SPSB1: variants seen among roughly 807,000 people sequenced by gnomAD.
The protein encoded by SPSB1 is SPRY domain-containing SOCS box protein 1.
A neutral mutation model predicts 21.2 loss-of-function variants in SPSB1; 8 were observed. That is an observed-to-expected ratio of 0.38 (90% CI 0.22 to 0.68). SPSB1 has a LOEUF of 0.68. SPSB1 is among the 30% of genes least tolerant of loss of function. The probability of loss-of-function intolerance (pLI) is 0.53; values close to 1 mark genes in which losing one functional copy is unlikely to be tolerated. For missense variants in SPSB1, 242 were observed against 377.8 expected (o/e 0.64, Z 2.98); for synonymous variants, 169 against 161.7 (o/e 1.05, Z -0.34).
chr1:9,358,224 C>T (rs1312037562), intron 2 of SPSB1, among the ~76,000 whole-genome samples: 1 of 152,204 alleles, frequency 6.6e-6, no homozygotes, highest in Non-Finnish European at 1.5e-5. Context: ...GGAAGCCTCC[C>T]CGCCCCTCTT....
intron 1 of SPSB1, among the ~76,000 whole-genome samples, chr1:9,307,042 C>T (rs963659580): frequency 3.3e-5 from 5 of 151,876 alleles, no homozygotes; most frequent in Admixed American, 6.6e-5. Context: ...ATTCTCCCTC[C>T]TTAGCCTCCT....
chr1:9,355,069 G>A (rs1204902833), intron 1 of SPSB1, among the ~76,000 whole-genome samples: 1 of 152,200 alleles, frequency 6.6e-6, no homozygotes, highest in Non-Finnish European at 1.5e-5. Context: ...GGGGTCGGGG[G>A]ATGAGCCCCC....
intron 2 of SPSB1, among the ~76,000 whole-genome samples, chr1:9,357,113 GTGGATGGA>G (rs1412659733): frequency 2.3e-5 from 2 of 88,582 alleles, no homozygotes; most frequent in Non-Finnish European, 4.9e-5. Context: ...GGATGGATGA[GTGGATGGA>G]TGGATGGATG....
At position 9,345,738 on chromosome 1, in the gene SPSB1, TGAGGTCAGGGACTA is replaced by T. The variant is rs138554740; in HGVS notation, c.-149-10001_-149-9988del. On this transcript the variant is annotated intron_variant, in intron 1 of 2. Transcript: ENST00000328089. The surrounding 1 kb of genome is among the most constrained non-coding windows in gnomAD (Gnocchi z 4.8). The stretch of plus-strand genomic sequence containing the variant: ...TACAGCAGGTGCATTTTGGGTCTTT[TGAGGTCAGGGACTA>T]GAGCTCTGGACCGTGTGGGATTTTC... 0.014 allele frequency among the ~76,000 whole-genome samples: 2,147 copies of T among 152,334 alleles called. 32 individuals are homozygous for T. Among genetic ancestry groups the T allele is most frequent in the Non-Finnish European group, 0.024 (1,639 of 68,018 alleles).
At position 9,345,803 on chromosome 1, in the gene SPSB1, T is replaced by C. The variant is rs1199376015; in HGVS notation, c.-149-9940T>C. ...TCTCCAAAATCACTTGTCAGAACTTTCCAGAAGGATCCTGTTCTTTTTTGT... is the reference window on the plus strand; with the variant it reads ...TCTCCAAAATCACTTGTCAGAACTTCCCAGAAGGATCCTGTTCTTTTTTGT... On this transcript the variant is annotated intron_variant, in intron 1 of 2. Transcript: ENST00000328089. The surrounding 1 kb of genome is among the most constrained non-coding windows in gnomAD (Gnocchi z 4.8). Among the ~76,000 whole-genome samples, 1 of 152,214 alleles carries C rather than the reference T, an allele frequency of 6.6e-6. No homozygotes were observed. Among genetic ancestry groups the C allele is most frequent in the African/African-American group, 2.4e-5 (1 of 41,454 alleles).
intron 1 of SPSB1, among the ~76,000 whole-genome samples, chr1:9,306,528 A>C (rs942228120): frequency 2.0e-5 from 3 of 152,212 alleles, no homozygotes; most frequent in Non-Finnish European, 4.4e-5. Flanking sequence ...TTCAGTCGTC[A>C]TAATGTCCGT....
At chr1:9,312,992 C>G (rs1219771577) in intron 1 of SPSB1, among the ~76,000 whole-genome samples, 1 of 152,228 alleles carries the variant, frequency 6.6e-6, no homozygotes, top group Admixed American at 6.5e-5. Context: ...TGAGTGCTTG[C>G]TCTGTGCCTG....
intron 1 of SPSB1, among the ~76,000 whole-genome samples, chr1:9,344,995 G>A (rs371970475): frequency 4.6e-5 from 7 of 152,296 alleles, no homozygotes; most frequent in Admixed American, 3.3e-4. Context: ...GGGTTTGGTC[G>A]GATCCCCTAT....
chr1:9,342,323 C>T (rs28435109), intron 1 of SPSB1, among the ~76,000 whole-genome samples: 13,729 of 152,128 alleles, frequency 0.09, 1,656 homozygotes, highest in African/African-American at 0.28. Flanking sequence ...AAGAGGTTTG[C>T]GTAGTGACAA....
intron 1 of SPSB1, among the ~76,000 whole-genome samples, chr1:9,331,920 G>A (rs757023185): frequency 6.6e-6 from 1 of 152,070 alleles, no homozygotes; most frequent in Admixed American, 6.5e-5. Flanking sequence ...TCTTTGCATT[G>A]TCTGTTCCAG....
chr1:9,312,448 A>G (rs1639536336), intron 1 of SPSB1, among the ~76,000 whole-genome samples: 1 of 152,186 alleles, frequency 6.6e-6, no homozygotes, highest in African/African-American at 2.4e-5. Flanking sequence ...CACGCCACGC[A>G]GTTCGCCTAT....
Position 9,293,092 on chromosome 1 carries a change from G to A in SPSB1, c.-150+21G>A, listed in dbSNP as rs1011394307. 6.5e-5 allele frequency: 64 copies of A among 977,838 alleles called. No homozygotes were observed. Among genetic ancestry groups the A allele is most frequent in the Non-Finnish European group, 7.8e-5 (64 of 824,660 alleles). The allele number at this position is 977,838 out of a possible 1,614,324, so 60.6% of individuals were successfully genotyped here. On this transcript the variant is annotated intron_variant, in intron 1 of 2. Coordinates refer to ENST00000328089, the MANE Select transcript of SPSB1 (RefSeq NM_025106.4). The surrounding 1 kb of genome is among the most constrained non-coding windows in gnomAD (Gnocchi z 5.1). ...GCGCGGTAGGCGGCGCGGGGCACCT[G>A]GGACCCCGATGGGTGGGCGACCGGC...
intron 1 of SPSB1, among the ~76,000 whole-genome samples, chr1:9,322,118 A>G (rs1056364800): frequency 2.0e-5 from 3 of 152,138 alleles, no homozygotes; most frequent in African/African-American, 7.2e-5. Flanking sequence ...AACGACCCAC[A>G]TTCCCAGGAC....
chr1:9,360,073 T>G (rs1640444682), intron 2 of SPSB1, among the ~76,000 whole-genome samples: 1 of 152,072 alleles, frequency 6.6e-6, no homozygotes. Context: ...AAGCCTAGTC[T>G]CAGAGAGCGG....
At chr1:9,342,263 G>C (rs575912268) in intron 1 of SPSB1, among the ~76,000 whole-genome samples, 1 of 152,302 alleles carries the variant, frequency 6.6e-6, no homozygotes, top group African/African-American at 2.4e-5. Flanking sequence ...GCTGTGCCAG[G>C]CCTGTGAGTG....
Position 9,367,615 on chromosome 1 carries a change from C to A in SPSB1, c.*40C>A, listed in dbSNP as rs1214919802. 12 of 1,553,674 alleles carry A rather than the reference C, an allele frequency of 7.7e-6. No individual in the cohort carries two copies. Among genetic ancestry groups the A allele is most frequent in the Non-Finnish European group, 1.0e-5 (12 of 1,147,846 alleles). On this transcript the variant is annotated 3_prime_UTR_variant, in exon 3 of 3. Coordinates refer to ENST00000328089, the MANE Select transcript of SPSB1 (RefSeq NM_025106.4). This position sits in a 1 kb window ranked among gnomAD's most constrained non-coding sequence, Gnocchi z 5.9. ...CCGCCAGCGCGACAGCCACCTGGTGCCAACTCACTGAGCCGCCTGCCGCTG... is the reference window on the plus strand; with the variant it reads ...CCGCCAGCGCGACAGCCACCTGGTGACAACTCACTGAGCCGCCTGCCGCTG...
chr1:9,327,621 G>A (rs1639837926), intron 1 of SPSB1, among the ~76,000 whole-genome samples: 1 of 152,138 alleles, frequency 6.6e-6, no homozygotes, highest in Non-Finnish European at 1.5e-5. Flanking sequence ...AAGCACCTGA[G>A]CCAGTAGGAC....
chr1:9,364,848 G>A (rs1327179833), intron 2 of SPSB1, among the ~76,000 whole-genome samples: 9 of 151,888 alleles, frequency 5.9e-5, no homozygotes, highest in Non-Finnish European at 8.8e-5. Flanking sequence ...TGTTGTTGTC[G>A]TTGTTGTTGT....
intron 1 of SPSB1, among the ~76,000 whole-genome samples, chr1:9,338,522 T>A (rs551612321): frequency 6.6e-6 from 1 of 152,380 alleles, no homozygotes; most frequent in East Asian, 1.9e-4. Flanking sequence ...GGCCACTCTC[T>A]TGCCAGCTCC....
Sources: allele counts gnomAD v4.1 joint callset (sites outside exome capture counted in the v4.1 genomes callset), GRCh38; gene constraint gnomAD v4.1.1; non-coding constraint Gnocchi (gnomAD v3.1); transcripts MANE v1.5; gene names NCBI Gene and HGNC (gene_info 2026-07-23, HGNC 2026-07-21).